Variants in TBXAS1 observed in about 807,000 individuals in gnomAD.
TBXAS1 encodes the protein thromboxane A synthase 1, also known as thromboxane-A synthase.
TBXAS1 carries 48 observed loss-of-function variants against 60.7 expected under a neutral mutation model. The observed-to-expected ratio is 0.79, with a 90% CI of 0.63 to 1.01. TBXAS1 has a LOEUF of 1.01. Among genes scored for constraint, TBXAS1 ranks in the 50% least tolerant of loss-of-function variants. The probability of loss-of-function intolerance (pLI) is 0.00; values close to 1 mark genes in which losing one functional copy is unlikely to be tolerated. For synonymous variants in TBXAS1, 287 were observed against 269.7 expected (o/e 1.06, Z -0.63); for missense variants, 685 against 686.3 (o/e 1.00, Z 0.02).
chr7:139,997,861 G>A (rs548193776), intron 9 of TBXAS1, among the ~76,000 whole-genome samples: 1 of 152,314 alleles, frequency 6.6e-6, no homozygotes, highest in Admixed American at 6.5e-5. Flanking sequence ...TGACCCGGCA[G>A]TGCCATGCCC....
intron 4 of TBXAS1, among the ~76,000 whole-genome samples, chr7:139,820,276 GACA>G (rs1798262154): frequency 6.6e-6 from 1 of 152,122 alleles, no homozygotes; most frequent in Non-Finnish European, 1.5e-5. Flanking sequence ...GGAGAGATTT[GACA>G]ACATCTCAGG....
chr7:139,918,063 T>G (rs1223691669), intron 4 of TBXAS1, among the ~76,000 whole-genome samples: 1 of 152,216 alleles, frequency 6.6e-6, no homozygotes, highest in Non-Finnish European at 1.5e-5. Flanking sequence ...TGATCCTCCC[T>G]GTCTTTCTCC....
chr7:140,005,642 C>A (rs1021025878), intron 9 of TBXAS1, among the ~76,000 whole-genome samples: 2 of 152,100 alleles, frequency 1.3e-5, no homozygotes, highest in African/African-American at 4.8e-5. Flanking sequence ...TTTGGGAAAA[C>A]CATCCAAACC....
chr7:139,809,641 G>T (rs1283928049), intron 4 of TBXAS1, among the ~76,000 whole-genome samples: 2 of 152,070 alleles, frequency 1.3e-5, no homozygotes, highest in African/African-American at 4.8e-5. Flanking sequence ...AACTTGAGGG[G>T]GTCTGCTGGT....
At chr7:139,847,197 A>T (rs1387218749) in intron 1 of TBXAS1, among the ~76,000 whole-genome samples, 1 of 152,192 alleles carries the variant, frequency 6.6e-6, no homozygotes, top group South Asian at 2.1e-4. Flanking sequence ...AAATTTTTCA[A>T]ATTTTCCCAT....
At chr7:139,787,941 AT>A (rs758633279) in intron 4 of TBXAS1, among the ~76,000 whole-genome samples, 2 of 152,210 alleles carry the variant, frequency 1.3e-5, no homozygotes, top group Non-Finnish European at 2.9e-5. Context: ...TATTGATACA[AT>A]TTTGAGAAAC....
intron 4 of TBXAS1, among the ~76,000 whole-genome samples, chr7:139,932,941 C>G (rs1807450012): frequency 6.6e-6 from 1 of 152,142 alleles, no homozygotes; most frequent in African/African-American, 2.4e-5. Flanking sequence ...CCTCTAGTCC[C>G]AGCTACTCAG....
chr7:139,913,126 G>A (rs1805668621), intron 4 of TBXAS1: 1 of 702,786 alleles, frequency 1.4e-6, no homozygotes. Context: ...TGGCCTGGAG[G>A]GAGGCGGCTG....
chr7:140,002,358 C>T (rs1261429316), intron 9 of TBXAS1, among the ~76,000 whole-genome samples: 1 of 152,174 alleles, frequency 6.6e-6, no homozygotes, highest in African/African-American at 2.4e-5. Context: ...GGTTCACAGG[C>T]CTTCCTCTCT....
intron 4 of TBXAS1, among the ~76,000 whole-genome samples, chr7:139,799,996 C>A (rs758649969): frequency 2.0e-5 from 3 of 152,114 alleles, no homozygotes; most frequent in Non-Finnish European, 1.5e-5. Context: ...ATGTGTGGAT[C>A]ATTCTGTCTT....
At chr7:139,950,037 A>ATTTTTT (rs3082651) in intron 5 of TBXAS1, among the ~76,000 whole-genome samples, 1 of 103,544 alleles carries the variant, frequency 9.7e-6, no homozygotes, top group Non-Finnish European at 1.9e-5. Context: ...AGGTGATGGG[A>ATTTTTT]TTTTTTTTTT....
At chr7:140,009,500 C>G (rs1178598865) in intron 10 of TBXAS1, among the ~76,000 whole-genome samples, 2 of 152,044 alleles carry the variant, frequency 1.3e-5, no homozygotes, top group Admixed American at 6.5e-5. Context: ...CGGCACTGGT[C>G]GGACAGTGGA....
chr7:139,935,264 T>A (rs1337289192), intron 4 of TBXAS1, among the ~76,000 whole-genome samples: 1 of 152,272 alleles, frequency 6.6e-6, no homozygotes, highest in Admixed American at 6.5e-5. Flanking sequence ...GCATATAACC[T>A]ATGTACATCC....
intron 2 of TBXAS1, among the ~76,000 whole-genome samples, chr7:139,874,163 A>G (rs1037740913): frequency 1.6e-4 from 25 of 152,136 alleles, no homozygotes; most frequent in African/African-American, 5.8e-4. Flanking sequence ...CACAACTTTT[A>G]AGCTCACAAA....
intron 10 of TBXAS1, among the ~76,000 whole-genome samples, chr7:140,012,461 AC>A (rs1814692465): frequency 6.7e-6 from 1 of 149,656 alleles, no homozygotes; most frequent in Non-Finnish European, 1.5e-5. Flanking sequence ...TGTAACCAGA[AC>A]TTTTTTTTTT....
At chr7:140,011,433 T>C (rs1001078419) in intron 10 of TBXAS1, among the ~76,000 whole-genome samples, 3 of 152,312 alleles carry the variant, frequency 2.0e-5, no homozygotes, top group African/African-American at 7.2e-5. Flanking sequence ...AGAAATGTTA[T>C]GTTCATATAC....
chr7:139,810,677 C>T (rs1798002153), intron 4 of TBXAS1, among the ~76,000 whole-genome samples: 1 of 152,122 alleles, frequency 6.6e-6, no homozygotes, highest in Non-Finnish European at 1.5e-5. Context: ...TTAGCTCAAG[C>T]CTCACTAAGA....
rs201919641 is a variant in TBXAS1, at chr7:139,805,714, C to CTTTCTTTCTTTCTT, written c.-80+18289_-80+18290insTTCTTTCTTTCTTT. Among the ~76,000 whole-genome samples, 13 of 96,450 alleles carry CTTTCTTTCTTTCTT rather than the reference C, an allele frequency of 1.3e-4. No homozygotes were observed. In the East Asian group the frequency reaches 1.8e-3, roughly 13 times the overall value. 63.3% of individuals were successfully genotyped at this position (96,450 alleles called of 152,430 possible). A position where few individuals can be genotyped will look rare whatever the true frequency, so the allele number is the denominator to read the frequency against. On this transcript the variant is annotated intron_variant, in intron 4 of 16. Coordinates refer to the TBXAS1 transcript ENST00000336425. ...TCTTTCTTTCTTTCTTTCTTTCTTT[C>CTTTCTTTCTTTCTT]TCTCTCTCTCTCTCTCTTTCTTTCT...
intron 4 of TBXAS1, among the ~76,000 whole-genome samples, chr7:139,815,273 G>A (rs1028655047): frequency 3.3e-5 from 5 of 152,208 alleles, no homozygotes; most frequent in African/African-American, 1.2e-4. Context: ...CAAACAGGGT[G>A]CTCTGCAAAG....
Sources: allele counts gnomAD v4.1 joint callset (sites outside exome capture counted in the v4.1 genomes callset), GRCh38; gene constraint gnomAD v4.1.1; transcripts MANE v1.5; gene names NCBI Gene and HGNC (gene_info 2026-07-23, HGNC 2026-07-21).